AGBL4: variants seen among roughly 807,000 people sequenced by gnomAD.
AGBL4 encodes cytosolic carboxypeptidase 6.
In AGBL4, 58 loss-of-function variants were observed where a neutral mutation model predicts 66.4. The observed-to-expected ratio is 0.87, with a 90% CI of 0.71 to 1.09. AGBL4 has a LOEUF of 1.09. Ranked by LOEUF, AGBL4 falls within the 50% of genes least tolerant of loss-of-function variation. The pLI is 0.00. For missense variants in AGBL4, 579 were observed against 631.0 expected (o/e 0.92, Z 0.88); for synonymous variants, 234 against 222.9 (o/e 1.05, Z -0.44).
rs1392483349 is a variant in AGBL4 at position 49,245,723 on chromosome 1, G to A, written c.377+47C>T. ...AGGTGTGTATATGTATGGGGTCTGG[G>A]ACAAATTTTCTAACCAGGAAGGGGT... On this transcript the variant is annotated intron_variant, in intron 4 of 13. Transcript: ENST00000371839. The A allele has an allele frequency of 3.5e-6, 5 of 1,431,802 alleles. No individual in the cohort carries two copies. The South Asian group carries it at 4.9e-5, about 14-fold the overall frequency. The allele number at this position is 1,431,802 out of a possible 1,614,324, so 88.7% of individuals were successfully genotyped here. A position where few individuals can be genotyped will look rare whatever the true frequency, so the allele number is the denominator to read the frequency against.
chr1:49,469,437 GATT>G (rs1646696787), intron 3 of AGBL4, among the ~76,000 whole-genome samples: 1 of 151,764 alleles, frequency 6.6e-6, no homozygotes, highest in Admixed American at 6.6e-5. Flanking sequence ...GGCCAACTAA[GATT>G]ATCTCTGAGC....
chr1:49,099,405 T>C (rs1162931852), intron 4 of AGBL4, among the ~76,000 whole-genome samples: 6 of 152,132 alleles, frequency 3.9e-5, no homozygotes, highest in African/African-American at 1.4e-4. Context: ...GGAGATTGGG[T>C]TCTCATTCCA....
At chr1:48,573,450 T>C (rs1644600951) in intron 11 of AGBL4, among the ~76,000 whole-genome samples, 1 of 152,174 alleles carries the variant, frequency 6.6e-6, no homozygotes, top group South Asian at 2.1e-4. Flanking sequence ...GGAGGGCTAA[T>C]ATATGCTGTT....
At chr1:48,700,334 T>C (rs1292918629) in intron 6 of AGBL4, among the ~76,000 whole-genome samples, 1 of 152,200 alleles carries the variant, frequency 6.6e-6, no homozygotes, top group Admixed American at 6.5e-5. Flanking sequence ...CTCCTTGTGC[T>C]CTTCTTCCAG....
At chr1:49,533,097 C>T (rs973642773) in intron 3 of AGBL4, among the ~76,000 whole-genome samples, 2 of 152,174 alleles carry the variant, frequency 1.3e-5, no homozygotes, top group Non-Finnish European at 2.9e-5. Flanking sequence ...AACTGATTTT[C>T]TTACAAGTTA....
At chr1:49,219,775 G>A (rs1001908038) in intron 4 of AGBL4, among the ~76,000 whole-genome samples, 7 of 152,080 alleles carry the variant, frequency 4.6e-5, no homozygotes, top group East Asian at 1.9e-4. Flanking sequence ...GAAAAGTTTC[G>A]TTGTCAAAGA....
At chr1:48,679,116 C>G (rs1646414097) in intron 6 of AGBL4, among the ~76,000 whole-genome samples, 1 of 152,142 alleles carries the variant, frequency 6.6e-6, no homozygotes, top group East Asian at 1.9e-4. Flanking sequence ...GAGGGAACCC[C>G]CTGGCTCAGC....
At chr1:49,788,262 C>G (rs1190372712) in intron 2 of AGBL4, among the ~76,000 whole-genome samples, 2 of 151,920 alleles carry the variant, frequency 1.3e-5, no homozygotes, top group Admixed American at 6.6e-5. Flanking sequence ...CTTTACAAAG[C>G]ACATAACTAA....
At chr1:48,999,135 C>T (rs1661219258) in intron 5 of AGBL4, among the ~76,000 whole-genome samples, 1 of 152,202 alleles carries the variant, frequency 6.6e-6, no homozygotes, top group South Asian at 2.1e-4. Flanking sequence ...AAAAGTGCTA[C>T]AGTCAGGGCT....
At chr1:49,155,515 C>T (rs1646412898) in intron 4 of AGBL4, among the ~76,000 whole-genome samples, 1 of 152,114 alleles carries the variant, frequency 6.6e-6, no homozygotes, top group Non-Finnish European at 1.5e-5. Context: ...AGTGCCTCTT[C>T]CAAGTTTCTT....
At chr1:49,259,356 A>T (rs1026878842) in intron 3 of AGBL4, among the ~76,000 whole-genome samples, 22 of 152,128 alleles carry the variant, frequency 1.4e-4, no homozygotes, top group Non-Finnish European at 2.8e-4. Flanking sequence ...AAAGACACAG[A>T]CTGGCAAATT....
At chr1:48,841,403 C>T (rs866767205) in intron 6 of AGBL4, among the ~76,000 whole-genome samples, 8 of 34,956 alleles carry the variant, frequency 2.3e-4, no homozygotes, top group South Asian at 2.4e-3. Context: ...CTACAAAACC[C>T]CCCCCCCCCA....
At chr1:48,589,267 G>A (rs1478696662) in intron 10 of AGBL4, among the ~76,000 whole-genome samples, 2 of 152,152 alleles carry the variant, frequency 1.3e-5, no homozygotes, top group East Asian at 1.9e-4. Context: ...GTAAAGAGGG[G>A]ACTGGACTAA....
chr1:49,744,537 T>C (rs1650834610), intron 2 of AGBL4, among the ~76,000 whole-genome samples: 1 of 152,058 alleles, frequency 6.6e-6, no homozygotes, highest in African/African-American at 2.4e-5. Flanking sequence ...CTACAAAAAA[T>C]ACTAAAGGGA....
intron 11 of AGBL4, among the ~76,000 whole-genome samples, chr1:48,579,614 A>G (rs1417644693): frequency 6.6e-6 from 1 of 151,144 alleles, no homozygotes; most frequent in Non-Finnish European, 1.5e-5. Context: ...AATAATCAGC[A>G]AGAATACTCA....
chr1:48,549,168 C>T (rs145428328), intron 11 of AGBL4, among the ~76,000 whole-genome samples: 1 of 152,256 alleles, frequency 6.6e-6, no homozygotes, highest in East Asian at 1.9e-4. Context: ...GAGGGATAGG[C>T]CAAGGAAAAG....
chr1:49,943,428 G>A (rs907998353), intron 1 of AGBL4, among the ~76,000 whole-genome samples: 2 of 152,110 alleles, frequency 1.3e-5, no homozygotes, highest in Non-Finnish European at 2.9e-5. Context: ...GCTCCTGCAG[G>A]ACCTGGGAAA....
intron 5 of AGBL4, among the ~76,000 whole-genome samples, chr1:48,981,549 A>G (rs1659769309): frequency 6.6e-6 from 1 of 152,160 alleles, no homozygotes; most frequent in South Asian, 2.1e-4. Flanking sequence ...AGACAAAAAT[A>G]AAATCAAACA....
At chr1:49,466,500 T>A (rs1238400918) in intron 3 of AGBL4, among the ~76,000 whole-genome samples, 1 of 151,772 alleles carries the variant, frequency 6.6e-6, no homozygotes, top group Non-Finnish European at 1.5e-5. Context: ...GGCCCTTCCA[T>A]CTGGTGCAGT....
Sources: allele counts gnomAD v4.1 joint callset (sites outside exome capture counted in the v4.1 genomes callset), GRCh38; gene constraint gnomAD v4.1.1; transcripts MANE v1.5; gene names NCBI Gene and HGNC (gene_info 2026-07-23, HGNC 2026-07-21).